PPP1R16B: variants seen among roughly 807,000 people sequenced by gnomAD.
PPP1R16B encodes protein phosphatase 1 regulatory subunit 16B, also known as protein phosphatase 1 regulatory inhibitor subunit 16B.
A neutral mutation model predicts 61.7 loss-of-function variants in PPP1R16B; 14 were observed. The observed-to-expected ratio is 0.23, with a 90% CI of 0.15 to 0.35. PPP1R16B has a LOEUF of 0.35. Among genes scored for constraint, PPP1R16B ranks in the 10% least tolerant of loss-of-function variants. The pLI is 1.00. For synonymous variants in PPP1R16B, 266 were observed against 305.3 expected (o/e 0.87, Z 1.34); for missense variants, 547 against 752.5 (o/e 0.73, Z 3.19).
chr20:38,824,957 A>C (rs1015454074), intron 1 of PPP1R16B, among the ~76,000 whole-genome samples: 2 of 152,218 alleles, frequency 1.3e-5, no homozygotes, highest in Non-Finnish European at 1.5e-5. Flanking sequence ...TCATACTAAC[A>C]CACTCCAGCC....
chr20:38,814,212 G>T (rs2084720567), intron 1 of PPP1R16B, among the ~76,000 whole-genome samples: 1 of 152,200 alleles, frequency 6.6e-6, no homozygotes, highest in African/African-American at 2.4e-5. Context: ...TTCCATTTCA[G>T]GACATCCGGC....
At chr20:38,852,754 T>A (rs957059435) in intron 2 of PPP1R16B, among the ~76,000 whole-genome samples, 1 of 119,570 alleles carries the variant, frequency 8.4e-6, no homozygotes, top group Non-Finnish European at 1.8e-5. Context: ...TTCCTTTTTT[T>A]TTTTTTTTTT....
chr20:38,914,659 G>T (rs902941327), intron 10 of PPP1R16B, among the ~76,000 whole-genome samples: 2 of 152,086 alleles, frequency 1.3e-5, no homozygotes, highest in African/African-American at 4.8e-5. Context: ...ATGGATATAG[G>T]TGGGTTTTGT....
At chr20:38,809,659 GGA>G (rs1320637225) in intron 1 of PPP1R16B, among the ~76,000 whole-genome samples, 1 of 152,098 alleles carries the variant, frequency 6.6e-6, no homozygotes, top group Non-Finnish European at 1.5e-5. Flanking sequence ...GATGATGTGA[GGA>G]GAGAAGTGAG....
At chr20:38,858,985 T>C (rs1014744478) in intron 2 of PPP1R16B, among the ~76,000 whole-genome samples, 1 of 151,956 alleles carries the variant, frequency 6.6e-6, no homozygotes, top group Non-Finnish European at 1.5e-5. Flanking sequence ...CTTGGCAGAG[T>C]CAGACTTCTT....
chr20:38,843,585 T>C (rs2084921469), intron 2 of PPP1R16B, among the ~76,000 whole-genome samples: 1 of 152,212 alleles, frequency 6.6e-6, no homozygotes, highest in Non-Finnish European at 1.5e-5. Flanking sequence ...TGACCTTGTG[T>C]TGGAAATCAT....
Position 38,900,575 on chromosome 20 carries a change from C to T in PPP1R16B, c.468-6C>T. Reference sequence around the variant, plus strand: ...CTTGGCCCTCACCCTGCCTCTTTCTCTGCAGTGGGGCCGACTTGCTTGCTG... The same window carrying T: ...CTTGGCCCTCACCCTGCCTCTTTCTTTGCAGTGGGGCCGACTTGCTTGCTG... On this transcript the variant is annotated splice_region_variant and splice_polypyrimidine_tract_variant and intron_variant, in intron 4 of 10. Coordinates refer to ENST00000299824, the MANE Select transcript of PPP1R16B (RefSeq NM_015568.4). 1.3e-6 allele frequency: 2 copies of T among 1,598,892 alleles called. No homozygotes were observed. Among genetic ancestry groups the T allele is most frequent in the South Asian group, 1.1e-5 (1 of 87,876 alleles).
chr20:38,849,695 A>ACAC (rs1568661538), intron 2 of PPP1R16B, among the ~76,000 whole-genome samples: 6 of 147,362 alleles, frequency 4.1e-5, no homozygotes, highest in Non-Finnish European at 6.0e-5. Flanking sequence ...CAAAAAAAAA[A>ACAC]CAAAAAACTG....
At chr20:38,905,903 G>A in intron 6 of PPP1R16B, 66 bp from the exon 7 acceptor site, 1 of 1,533,974 alleles carries the variant, frequency 6.5e-7, no homozygotes. Context: ...GTGAAGGTGA[G>A]AGCTAGCCTA....
At chr20:38,852,187 C>A (rs1043956725) in intron 2 of PPP1R16B, among the ~76,000 whole-genome samples, 5 of 152,154 alleles carry the variant, frequency 3.3e-5, no homozygotes, top group Admixed American at 6.5e-5. Context: ...TTGCTAAGGA[C>A]AATCTGATTA....
chr20:38,853,993 A>G (rs2084986226), intron 2 of PPP1R16B, among the ~76,000 whole-genome samples: 2 of 152,214 alleles, frequency 1.3e-5, no homozygotes, highest in South Asian at 4.1e-4. Flanking sequence ...GGAAGAGTCT[A>G]TACAAGCGCT....
intron 1 of PPP1R16B, among the ~76,000 whole-genome samples, chr20:38,813,671 A>G (rs2084715879): frequency 6.6e-6 from 1 of 151,994 alleles, no homozygotes; most frequent in South Asian, 2.1e-4. Flanking sequence ...CTTAATATTC[A>G]TCATAATCAC....
At chr20:38,880,576 G>A (rs2085197332) in intron 2 of PPP1R16B, among the ~76,000 whole-genome samples, 1 of 152,184 alleles carries the variant, frequency 6.6e-6, no homozygotes, top group Non-Finnish European at 1.5e-5. Context: ...GGCTGAGGTG[G>A]GAGGATTGCT....
At chr20:38,891,284 G>A (rs1025830769) in intron 3 of PPP1R16B, among the ~76,000 whole-genome samples, 6 of 152,164 alleles carry the variant, frequency 3.9e-5, no homozygotes, top group African/African-American at 1.2e-4. Context: ...AGCTCTCTGT[G>A]CCTCAGTTTC....
chr20:38,838,909 T>C (rs373909628), intron 2 of PPP1R16B, among the ~76,000 whole-genome samples: 1 of 152,212 alleles, frequency 6.6e-6, no homozygotes, highest in Non-Finnish European at 1.5e-5. Flanking sequence ...TTCACCTCTA[T>C]GGGTCCAGTT....
chr20:38,829,462 C>A (rs2084823587), intron 1 of PPP1R16B, among the ~76,000 whole-genome samples: 1 of 152,186 alleles, frequency 6.6e-6, no homozygotes, highest in Non-Finnish European at 1.5e-5. Flanking sequence ...GCAGGATGTT[C>A]CGTCTGGATT....
At chr20:38,869,683 C>T (rs926496375) in intron 2 of PPP1R16B, among the ~76,000 whole-genome samples, 5 of 152,130 alleles carry the variant, frequency 3.3e-5, no homozygotes, top group Admixed American at 3.3e-4. Context: ...AGTATGGACC[C>T]TGTGTGAGCC....
chr20:38,809,920 C>T (rs1482338646), intron 1 of PPP1R16B, among the ~76,000 whole-genome samples: 2 of 146,912 alleles, frequency 1.4e-5, no homozygotes, highest in Middle Eastern at 3.3e-3. Flanking sequence ...AGTGGAGGCT[C>T]CTGTGAGCCA....
intron 1 of PPP1R16B, among the ~76,000 whole-genome samples, chr20:38,817,872 G>A (rs1015318960): frequency 3.3e-5 from 5 of 152,074 alleles, no homozygotes; most frequent in Non-Finnish European, 4.4e-5. Context: ...GTGAAACCCC[G>A]TCTCCACTAA....
Sources: allele counts gnomAD v4.1 joint callset (sites outside exome capture counted in the v4.1 genomes callset), GRCh38; gene constraint gnomAD v4.1.1; transcripts MANE v1.5; gene names NCBI Gene and HGNC (gene_info 2026-07-23, HGNC 2026-07-21).